CCDC83: variants seen among roughly 807,000 people sequenced by gnomAD.
The protein encoded by CCDC83 is coiled-coil domain-containing protein 83.
In CCDC83, 54 loss-of-function variants were observed where a neutral mutation model predicts 50.1. That is an observed-to-expected ratio of 1.08 (90% CI 0.87 to 1.35). The LOEUF is 1.35. Ranked by LOEUF, CCDC83 falls within the 40% of genes most tolerant of loss-of-function variation. CCDC83 has a pLI of 0.00. For missense variants in CCDC83, 518 were observed against 473.9 expected, an observed-to-expected ratio of 1.09 and a Z score of -0.86; for synonymous variants, 161 against 153.3, an observed-to-expected ratio of 1.05 and a Z score of -0.37.
At chr11:85,882,801 C>T (rs995198756) in intron 4 of CCDC83, 126 bp downstream of exon 4, 96 of 826,884 alleles carry the variant, frequency 1.2e-4, no homozygotes, top group Non-Finnish European at 1.6e-4. Context: ...TCATTACCAC[C>T]GCAGCCACAA....
intron 7 of CCDC83, among the ~76,000 whole-genome samples, chr11:85,909,609 CTTTTTTTTTTTTTTT>C (rs71468972): frequency 1.2e-4 from 7 of 57,726 alleles, no homozygotes; most frequent in African/African-American, 2.9e-4. Context: ...TCAAAATACA[CTTTTTTTTTTTTTTT>C]TTTTTTTTTT....
intron 3 of CCDC83, among the ~76,000 whole-genome samples, chr11:85,875,033 T>C (rs554162492): frequency 5.3e-5 from 8 of 152,276 alleles, no homozygotes; most frequent in East Asian, 1.9e-4. Context: ...GGAAGTTTTA[T>C]TGAGTGATGA....
chr11:85,916,947 C>T (rs1210662952), intron 10 of CCDC83, among the ~76,000 whole-genome samples: 1 of 151,606 alleles, frequency 6.6e-6, no homozygotes, highest in East Asian at 1.9e-4. Flanking sequence ...CCTATCTCTA[C>T]TAAATATACC....
intron 10 of CCDC83, among the ~76,000 whole-genome samples, chr11:85,917,167 A>AGAGAGAGAGAAG (rs1554986879): frequency 2.6e-4 from 23 of 86,942 alleles, no homozygotes; most frequent in African/African-American, 9.4e-4. Flanking sequence ...AGAGAGAGAG[A>AGAGAGAGAGAAG]GAAAGAAAGA....
chr11:85,857,482 G>GC (rs1196866606), intron 1 of CCDC83, among the ~76,000 whole-genome samples: 4 of 152,122 alleles, frequency 2.6e-5, no homozygotes, highest in African/African-American at 7.2e-5. Context: ...TGTCGCTTGG[G>GC]CCCCCACCAA....
At chr11:85,886,562 G>A (rs561944342) in intron 5 of CCDC83, among the ~76,000 whole-genome samples, 195 bp downstream of exon 5, 40 of 152,280 alleles carry the variant, frequency 2.6e-4, no homozygotes, top group African/African-American at 9.1e-4. Flanking sequence ...AACTGAGAAG[G>A]GGAAATAAAG....
At chr11:85,913,538 A>T (rs1034346060) in intron 8 of CCDC83, among the ~76,000 whole-genome samples, 23 of 152,242 alleles carry the variant, frequency 1.5e-4, no homozygotes, top group African/African-American at 5.3e-4. Context: ...TTTGTTGAGA[A>T]TTAAGTTTTG....
At chr11:85,889,368 A>G (rs2093341135) in intron 5 of CCDC83, among the ~76,000 whole-genome samples, 1 of 152,234 alleles carries the variant, frequency 6.6e-6, no homozygotes, top group Admixed American at 6.5e-5. Context: ...ATGAATTATT[A>G]ACTAGGATGA....
intron 2 of CCDC83, among the ~76,000 whole-genome samples, chr11:85,869,279 T>G (rs1354918088): frequency 6.6e-6 from 1 of 152,330 alleles, no homozygotes; most frequent in East Asian, 1.9e-4. Flanking sequence ...TCTATGGTTG[T>G]TTGTGAAGAA....
chr11:85,907,866 T>G (rs1014682852), intron 7 of CCDC83, among the ~76,000 whole-genome samples: 3 of 152,196 alleles, frequency 2.0e-5, no homozygotes, highest in African/African-American at 7.2e-5. Flanking sequence ...AAGAACTGTG[T>G]GTGCTACCTC....
rs201723416 is a variant in CCDC83, at chr11:85,882,432, C to CG, written c.181-78dup. On this transcript the variant is annotated intron_variant, in intron 3 of 10. Coordinates refer to ENST00000342404, the MANE Select transcript of CCDC83 (RefSeq NM_001286159.2). ...TTGCCTTCCTGTGATACCCAAAGGC[C>CG]GGGAACTTCTTGACTCTATTTTGAG... 6.7e-3 allele frequency: 9,411 copies of CG among 1,398,232 alleles called. 54 individuals carry two copies. The highest frequency in any genetic ancestry group is 0.017 in the Middle Eastern group (93 of 5,342). The allele number at this position is 1,398,232 out of a possible 1,614,324, so 86.6% of individuals were successfully genotyped here.
At chr11:85,877,712 G>A (rs2135018269) in intron 3 of CCDC83, among the ~76,000 whole-genome samples, 1 of 152,086 alleles carries the variant, frequency 6.6e-6, no homozygotes, top group East Asian at 1.9e-4. Context: ...TGTATATCAT[G>A]GTAAATATTT....
intron 6 of CCDC83, 117 bp downstream of exon 6, chr11:85,895,501 C>A (rs2093370155): frequency 1.6e-6 from 1 of 606,926 alleles, no homozygotes; most frequent in Non-Finnish European, 2.9e-6. Context: ...GGATGCTCAA[C>A]CTGTAATAAT....
intron 2 of CCDC83, among the ~76,000 whole-genome samples, chr11:85,871,429 GACCAGTAAAGGATTTTTTTTTA>G (rs2093236799): frequency 6.6e-6 from 1 of 151,718 alleles, no homozygotes; most frequent in Non-Finnish European, 1.5e-5. Context: ...GCTTTTTTTT[GACCAGTAAAGGATTTTTTTTTA>G]ATGTTGCATT....
intron 1 of CCDC83, among the ~76,000 whole-genome samples, chr11:85,858,596 T>C (rs1309048107): frequency 1.3e-5 from 2 of 152,150 alleles, no homozygotes; most frequent in Non-Finnish European, 2.9e-5. Context: ...GCCTTGGTCA[T>C]GATAGGGGTA....
chr11:85,895,435 T>G (rs1044716682), intron 6 of CCDC83, 51 bp downstream of exon 6: 19 of 1,204,492 alleles, frequency 1.6e-5, no homozygotes, highest in Non-Finnish European at 2.3e-5. Context: ...TTTCCCCCTA[T>G]TTTTTCTTTG....
intron 7 of CCDC83, among the ~76,000 whole-genome samples, chr11:85,905,130 C>G (rs960377854): frequency 6.6e-6 from 1 of 151,980 alleles, no homozygotes; most frequent in Non-Finnish European, 1.5e-5. Flanking sequence ...AACCTCATCT[C>G]TACTAAAAAT....
Position 85,873,254 on chromosome 11 carries a change from A to G in CCDC83, c.139A>G (p.Ile47Val). 1 of 1,564,944 alleles carries G rather than the reference A, an allele frequency of 6.4e-7. No homozygotes were observed. The highest frequency in any genetic ancestry group is 8.7e-7 in the Non-Finnish European group (1 of 1,152,408). Residue 47 changes from isoleucine (I) to valine (V), a missense_variant, in exon 3 of 11, where the codon ATA (isoleucine) becomes GTA (valine). By Grantham distance (29) the Ile-to-Val change is conservative (BLOSUM62 3). Coordinates refer to ENST00000342404, the MANE Select transcript of CCDC83 (RefSeq NM_001286159.2). ...TGCCGTGGAGCAATTCATGTTTCAA[A>G]TAAAGACACTTAGGAAAAAGAACCA... ...EDAVEQFMFQ[I>V]KTLRKKNQKY...
Position 85,911,962 on chromosome 11 carries a change from T to A in CCDC83, c.794+560T>A, listed in dbSNP as rs186640189. 2.0e-5 allele frequency among the ~76,000 whole-genome samples: 3 copies of A among 152,124 alleles called. No homozygotes were observed. The East Asian group carries it at 5.8e-4, about 29-fold the overall frequency. The stretch of plus-strand genomic sequence containing the variant: ...TATATGTTTGGTTAGCTGTCTTCCT[T>A]ATCTGACAAAAAAAAAAGTCTTAAT... On this transcript the variant is annotated intron_variant, in intron 8 of 10. Coordinates refer to ENST00000342404, the MANE Select transcript of CCDC83 (RefSeq NM_001286159.2).
Sources: gnomAD v4.1 joint callset for allele counts (sites outside exome capture counted in the v4.1 genomes callset) on GRCh38, gnomAD v4.1.1 for gene constraint, MANE v1.5 for transcripts, NCBI Gene and HGNC (gene_info 2026-07-23, HGNC 2026-07-21) for gene names.